The following CCDC152 variants were observed in gnomAD, a reference collection of about 807,000 sequenced individuals.
CCDC152 encodes coiled-coil domain containing 152.
Under a neutral mutation model 38.1 loss-of-function variants are expected in CCDC152, and 37 were observed. That is an observed-to-expected ratio of 0.97 (90% CI 0.75 to 1.28). The LOEUF (loss-of-function observed/expected upper bound fraction) is 1.28, where lower values mean the gene tolerates loss of function less well. Ranked by LOEUF, CCDC152 falls within the 50% of genes most tolerant of loss-of-function variation. The pLI is 0.00. For synonymous variants in CCDC152, 83 were observed against 87.1 expected (o/e 0.95, Z 0.26); for missense variants, 259 against 292.1 (o/e 0.89, Z 0.83).
chr5:42,766,171 C>T (rs1370860143), intron 3 of CCDC152, among the ~76,000 whole-genome samples: 1 of 152,162 alleles, frequency 6.6e-6, no homozygotes, highest in Non-Finnish European at 1.5e-5. Context: ...AGGTGCTCAA[C>T]ATCATTGATC....
At chr5:42,788,806 T>G (rs1759959875) in intron 6 of CCDC152, among the ~76,000 whole-genome samples, 1 of 152,236 alleles carries the variant, frequency 6.6e-6, no homozygotes. Context: ...TTTGTGCTTT[T>G]TGTTGCTTTC....
At chr5:42,791,452 A>G (rs1759998834) in intron 6 of CCDC152, among the ~76,000 whole-genome samples, 1 of 152,156 alleles carries the variant, frequency 6.6e-6, no homozygotes, top group African/African-American at 2.4e-5. Context: ...AAGGAGACTG[A>G]TCACTGAATT....
intron 5 of CCDC152, among the ~76,000 whole-genome samples, chr5:42,782,490 T>C (rs191030222): frequency 2.0e-5 from 3 of 152,170 alleles, no homozygotes; most frequent in East Asian, 3.9e-4. Context: ...ATGGAATTCA[T>C]GAAGCAGAGA....
At chr5:42,790,434 A>C (rs1759983952) in intron 6 of CCDC152, among the ~76,000 whole-genome samples, 1 of 152,232 alleles carries the variant, frequency 6.6e-6, no homozygotes, top group East Asian at 1.9e-4. Flanking sequence ...GGAACTCTGA[A>C]ACATTATTAC....
rs1759998246 is a variant in CCDC152 at position 42,791,409 on chromosome 5, G to A, written c.431-5420G>A. 2.0e-5 allele frequency among the ~76,000 whole-genome samples: 3 copies of A among 152,146 alleles called. 1 individual carries two copies. The South Asian group carries it at 6.2e-4, about 32-fold the overall frequency. On this transcript the variant is annotated intron_variant, in intron 6 of 8. Coordinates refer to ENST00000361970, the MANE Select transcript of CCDC152 (RefSeq NM_001134848.2). The stretch of plus-strand genomic sequence containing the variant: ...TGGGTATTAATAAACCTAGCTCTAT[G>A]GCAACCTATTTTACTGTCAACCCTG...
intron 6 of CCDC152, among the ~76,000 whole-genome samples, chr5:42,787,919 A>G (rs766800668): frequency 1.3e-5 from 2 of 152,114 alleles, no homozygotes; most frequent in African/African-American, 2.4e-5. Flanking sequence ...CAATCTGTGT[A>G]TTTTAAGTGG....
chr5:42,787,527 A>G (rs966665706), intron 6 of CCDC152, among the ~76,000 whole-genome samples: 2 of 151,506 alleles, frequency 1.3e-5, no homozygotes, highest in African/African-American at 4.8e-5. Flanking sequence ...CTGTCTATCT[A>G]TTTTCTTAGG....
chr5:42,763,336 A>G (rs934898471), intron 3 of CCDC152, among the ~76,000 whole-genome samples: 1 of 152,214 alleles, frequency 6.6e-6, no homozygotes, highest in Non-Finnish European at 1.5e-5. Flanking sequence ...TAAATAAACA[A>G]TTGGGGAAGA....
chr5:42,778,237 C>T (rs556476644), intron 4 of CCDC152, among the ~76,000 whole-genome samples: 1 of 152,272 alleles, frequency 6.6e-6, no homozygotes, highest in Admixed American at 6.5e-5. Flanking sequence ...TGGAGTGAGT[C>T]CAGACTGCAT....
Position 42,799,701 on chromosome 5 carries a change from ATTC to A in CCDC152, c.689_691del (p.Leu230del), listed in dbSNP as rs1240232062. Reference sequence around the variant, plus strand: ...AGAAGAAAAAAACAAGGAGATTGCAATTCTTCGTAATACCATTCGCGATTTAGA... The same window carrying A: ...AGAAGAAAAAAACAAGGAGATTGCAATTCGTAATACCATTCGCGATTTAGA... On this transcript the variant is annotated inframe_deletion, in exon 9 of 9. Coordinates refer to ENST00000361970, the MANE Select transcript of CCDC152 (RefSeq NM_001134848.2). 6.5e-7 allele frequency: 1 copy of A among 1,550,042 alleles called. No individual in the cohort carries two copies. The highest frequency in any genetic ancestry group is 8.7e-7 in the Non-Finnish European group (1 of 1,146,090).
Position 42,796,966 on chromosome 5 carries a change from TAA to T in CCDC152, c.558+11_558+12del. ...CAAGCTACAACTAGAAGTAAGTGTT[TAA>T]GAGTCTGCTAAACTTGAGGACACAT... On this transcript the variant is annotated intron_variant, in intron 7 of 8. Transcript: ENST00000361970. 1 of 1,502,890 alleles carries T rather than the reference TAA, an allele frequency of 6.7e-7. No individual in the cohort carries two copies. Among genetic ancestry groups the T allele is most frequent in the Non-Finnish European group, 8.9e-7 (1 of 1,125,676 alleles). The allele number at this position is 1,502,890 out of a possible 1,614,324, so 93.1% of individuals were successfully genotyped here. A position where few individuals can be genotyped will look rare whatever the true frequency, so the allele number is the denominator to read the frequency against.
chr5:42,792,594 A>T (rs989565338), intron 6 of CCDC152, among the ~76,000 whole-genome samples: 1 of 152,146 alleles, frequency 6.6e-6, no homozygotes, highest in Non-Finnish European at 1.5e-5. Context: ...GTATACTAGG[A>T]GCTACCAGTG....
At chr5:42,773,397 TA>T (rs1343237172) in intron 4 of CCDC152, among the ~76,000 whole-genome samples, 1 of 152,194 alleles carries the variant, frequency 6.6e-6, no homozygotes, top group Non-Finnish European at 1.5e-5. Context: ...ATAACTGGGA[TA>T]ATATTCCTTT....
In CCDC152 at chr5:42,769,108, A is replaced by G. The variant is rs937100834; in HGVS notation, c.194-489A>G. 3.3e-5 allele frequency among the ~76,000 whole-genome samples: 5 copies of G among 152,124 alleles called. No homozygotes were observed. The East Asian group carries it at 9.7e-4, about 29-fold the overall frequency. ...ACAAAAATATACAAAAACTAGCCAG[A>G]CATGGTGACGCGTGCCTGTGATCCC... On this transcript the variant is annotated intron_variant, in intron 3 of 8. Transcript: ENST00000361970.
At chr5:42,772,154 C>T (rs1759707685) in intron 4 of CCDC152, among the ~76,000 whole-genome samples, 1 of 151,904 alleles carries the variant, frequency 6.6e-6, no homozygotes, top group East Asian at 1.9e-4. Context: ...TATTTATTAT[C>T]AAAATGAATA....
At chr5:42,766,270 G>T (rs190596619) in intron 3 of CCDC152, among the ~76,000 whole-genome samples, 172 of 152,250 alleles carry the variant, frequency 1.1e-3, no homozygotes, top group African/African-American at 3.9e-3. Flanking sequence ...AATAACAAAT[G>T]CTGGTGAGGA....
intron 6 of CCDC152, among the ~76,000 whole-genome samples, chr5:42,787,479 G>T (rs1759938245): frequency 6.6e-6 from 1 of 151,556 alleles, no homozygotes; most frequent in Non-Finnish European, 1.5e-5. Flanking sequence ...TTCTTTATCT[G>T]TCAATGGGGC....
At chr5:42,760,662 T>C (rs978242803) in intron 2 of CCDC152, among the ~76,000 whole-genome samples, 14 of 152,226 alleles carry the variant, frequency 9.2e-5, no homozygotes, top group Admixed American at 8.5e-4. Context: ...TTTCTCTTCT[T>C]TTCTTGTAAT....
chr5:42,770,146 A>G (rs1474596550), intron 4 of CCDC152, among the ~76,000 whole-genome samples: 3 of 152,218 alleles, frequency 2.0e-5, no homozygotes, highest in Non-Finnish European at 4.4e-5. Context: ...CAGGCCTACC[A>G]TTCACAAAAC....
Sources: gnomAD v4.1 joint callset for allele counts (sites outside exome capture counted in the v4.1 genomes callset) on GRCh38, gnomAD v4.1.1 for gene constraint, MANE v1.5 for transcripts, NCBI Gene and HGNC (gene_info 2026-07-23, HGNC 2026-07-21) for gene names.